The following PABPC4L variants were observed in gnomAD, a reference collection of about 807,000 sequenced individuals.
The protein encoded by PABPC4L is polyadenylate-binding protein 4-like.
For missense variants in PABPC4L, 452 were observed against 451.4 expected, an observed-to-expected ratio of 1.00 and a Z score of -0.01; for synonymous variants, 169 against 164.1, an observed-to-expected ratio of 1.03 and a Z score of -0.23.
the PABPC4L span, among the ~76,000 whole-genome samples, chr4:134,189,899 G>T: frequency 6.6e-6 from 1 of 152,072 alleles, no homozygotes; most frequent in Non-Finnish European, 1.5e-5. Context: ...AGTTTCTCTT[G>T]AGGGTAGGCC....
chr4:134,079,578 C>CAAAAAA, the PABPC4L span, among the ~76,000 whole-genome samples: 310 of 90,670 alleles, frequency 3.4e-3, 9 homozygotes, highest in African/African-American at 4.2e-3. Context: ...GACTTCCTCT[C>CAAAAAA]AAAAAAAAAA....
the PABPC4L span, among the ~76,000 whole-genome samples, chr4:134,064,890 C>A: frequency 1.3e-5 from 2 of 151,998 alleles, no homozygotes; most frequent in Admixed American, 6.6e-5. Context: ...AGGATACTGG[C>A]CTCCAGTTGC....
chr4:134,125,549 A>G, the PABPC4L span, among the ~76,000 whole-genome samples: 1 of 152,158 alleles, frequency 6.6e-6, no homozygotes, highest in African/African-American at 2.4e-5. Flanking sequence ...TGGATACTGC[A>G]GTTTATGGTG....
chr4:134,020,624 C>T, the PABPC4L span, among the ~76,000 whole-genome samples: 2 of 152,140 alleles, frequency 1.3e-5, no homozygotes, highest in East Asian at 3.9e-4. Context: ...TCTGACACCA[C>T]TATTCCTTGA....
the PABPC4L span, among the ~76,000 whole-genome samples, chr4:134,077,647 A>G: frequency 6.6e-6 from 1 of 152,104 alleles, no homozygotes; most frequent in African/African-American, 2.4e-5. Flanking sequence ...TCTCCTAAGG[A>G]CCAATCATAA....
the PABPC4L span, among the ~76,000 whole-genome samples, chr4:134,078,934 C>T: frequency 0.5 from 71,940 of 144,402 alleles, 19,007 homozygotes; most frequent in East Asian, 0.93. Flanking sequence ...TCTCAAAGTA[C>T]TGGGATTACA....
chr4:134,076,831 A>C, the PABPC4L span, among the ~76,000 whole-genome samples: 1 of 152,136 alleles, frequency 6.6e-6, no homozygotes, highest in African/African-American at 2.4e-5. Flanking sequence ...ACATATATGT[A>C]TATGTGTGAA....
At chr4:134,128,172 C>T in the PABPC4L span, among the ~76,000 whole-genome samples, 25 of 152,002 alleles carry the variant, frequency 1.6e-4, no homozygotes, top group Non-Finnish European at 2.6e-4. Flanking sequence ...TGTTAAACGA[C>T]CAAACCTAAG....
chr4:134,049,548 A>G, the PABPC4L span, among the ~76,000 whole-genome samples: 1 of 152,158 alleles, frequency 6.6e-6, no homozygotes, highest in Admixed American at 6.5e-5. Flanking sequence ...TACATGAACA[A>G]CTTTGTCAAT....
chr4:134,149,881 C>A, the PABPC4L span, among the ~76,000 whole-genome samples: 1 of 152,004 alleles, frequency 6.6e-6, no homozygotes, highest in Non-Finnish European at 1.5e-5. Context: ...GGGATGGTAG[C>A]AATACTTAGG....
At chr4:134,150,836 T>A in the PABPC4L span, among the ~76,000 whole-genome samples, 1 of 152,198 alleles carries the variant, frequency 6.6e-6, no homozygotes, top group African/African-American at 2.4e-5. Context: ...CTATCCAGAA[T>A]GCTTTTAGTA....
chr4:134,174,862 G>A, the PABPC4L span, among the ~76,000 whole-genome samples: 1 of 152,038 alleles, frequency 6.6e-6, no homozygotes. Context: ...TTTGATTGAT[G>A]TTGTTTTTAT....
chr4:134,110,808 T>C, the PABPC4L span, among the ~76,000 whole-genome samples: 1 of 152,036 alleles, frequency 6.6e-6, no homozygotes, highest in East Asian at 1.9e-4. Flanking sequence ...TACTGCATTG[T>C]TTAGGGAATC....
the PABPC4L span, among the ~76,000 whole-genome samples, chr4:134,066,003 T>TG: frequency 6.6e-6 from 1 of 152,122 alleles, no homozygotes; most frequent in Admixed American, 6.6e-5. Flanking sequence ...CATGCTATTT[T>TG]GTTCAACTTG....
chr4:134,071,852 T>G, the PABPC4L span, among the ~76,000 whole-genome samples: 1 of 152,162 alleles, frequency 6.6e-6, no homozygotes, highest in Non-Finnish European at 1.5e-5. Context: ...GATAACTTTA[T>G]AGTTGCCTGT....
chr4:133,957,022 C>T, the PABPC4L span, among the ~76,000 whole-genome samples: 1 of 152,104 alleles, frequency 6.6e-6, no homozygotes. Context: ...TATCATTCCA[C>T]CCCCAGCAGC....
chr4:133,964,991 T>G, the PABPC4L span, among the ~76,000 whole-genome samples: 7 of 152,040 alleles, frequency 4.6e-5, no homozygotes, highest in African/African-American at 1.7e-4. Context: ...GAGAAAGAAA[T>G]AAAGGACATC....
At chr4:134,188,731 AT>A in the PABPC4L span, among the ~76,000 whole-genome samples, 1 of 151,886 alleles carries the variant, frequency 6.6e-6, no homozygotes, top group Non-Finnish European at 1.5e-5. Flanking sequence ...TCAAAACTTT[AT>A]ATTTGTCTTT....
the PABPC4L span, among the ~76,000 whole-genome samples, chr4:134,021,037 A>G: frequency 6.6e-6 from 1 of 152,146 alleles, no homozygotes; most frequent in Non-Finnish European, 1.5e-5. Context: ...GAATATAGCA[A>G]TTATGGCAGC....
Sources: gnomAD v4.1 joint callset for allele counts (sites outside exome capture counted in the v4.1 genomes callset) on GRCh38, gnomAD v4.1.1 for gene constraint, MANE v1.5 for transcripts, NCBI Gene and HGNC (gene_info 2026-07-23, HGNC 2026-07-21) for gene names.